ZNF638: variants seen among roughly 807,000 people sequenced by gnomAD.
ZNF638 encodes the protein CTCL tumor antigen se33-1.
ZNF638 carries 46 observed loss-of-function variants against 195.6 expected under a neutral mutation model. That is an observed-to-expected ratio of 0.24 (90% confidence interval 0.19 to 0.30). The LOEUF is 0.30. Among genes scored for constraint, ZNF638 ranks in the 10% least tolerant of loss-of-function variants. ZNF638 has a pLI of 1.00. For missense variants in ZNF638, 2,440 were observed against 2,325.3 expected (o/e 1.05, Z -1.01); for synonymous variants, 845 against 772.0 (o/e 1.09, Z -1.57).
intron 2 of ZNF638, among the ~76,000 whole-genome samples, chr2:71,352,807 T>G (rs1315750341): frequency 2.0e-5 from 3 of 152,134 alleles, no homozygotes; most frequent in Admixed American, 2.0e-4. Flanking sequence ...CTTGGAAGCT[T>G]CTTTAATTGT....
At chr2:71,394,647 C>T (rs1558866040) in intron 10 of ZNF638, among the ~76,000 whole-genome samples, 1 of 152,172 alleles carries the variant, frequency 6.6e-6, no homozygotes. Flanking sequence ...TTCCTTTGCT[C>T]TTGCCACCTT....
chr2:71,423,709 G>A lies in ZNF638; in HGVS notation c.4195G>A (p.Val1399Ile). Residue 1399 changes from valine (V) to isoleucine (I), a missense_variant, in exon 22 of 28, where the codon GTC becomes ATC. Physicochemically the swap from Val to Ile is conservative, Grantham distance 29. This residue lies in a region of ZNF638 where 1,883 missense variants were observed against 1,739.1 expected (regional missense o/e 1.08). Transcript: ENST00000264447. Reference protein sequence around the residue: ...SSKPSIKAVIVSSPKAKATVS... With the variant: ...SSKPSIKAVIISSPKAKATVS... ...TAAACCAAGCATCAAGGCTGTTATA[G>A]TCTCTTCTCCTAAGGCAAAAGCTAC... 6.2e-7 allele frequency: 1 copy of A among 1,613,888 alleles called. No individual in the cohort carries two copies. Among genetic ancestry groups the A allele is most frequent in the Non-Finnish European group, 8.5e-7 (1 of 1,180,024 alleles).
At chr2:71,405,981 C>T (rs2080098065) in intron 18 of ZNF638, 147 bp from the exon 19 acceptor site, 2 of 840,188 alleles carry the variant, frequency 2.4e-6, no homozygotes, top group Non-Finnish European at 1.8e-6. Context: ...AAAATTAAGA[C>T]CTCACTGTCT....
chr2:71,379,968 G>A, intron 8 of ZNF638: 1 of 284,768 alleles, frequency 3.5e-6, no homozygotes, highest in Non-Finnish European at 6.6e-6. Context: ...CACGAGCACG[G>A]TTTCAAGGCA....
At chr2:71,393,716 A>T in intron 10 of ZNF638, 1 of 673,790 alleles carries the variant, frequency 1.5e-6, no homozygotes. Flanking sequence ...GCTACACTCT[A>T]TTGGGCTCAT....
At chr2:71,353,610 TG>T (rs2078977279) in intron 2 of ZNF638, among the ~76,000 whole-genome samples, 1 of 152,174 alleles carries the variant, frequency 6.6e-6, no homozygotes, top group Non-Finnish European at 1.5e-5. Flanking sequence ...AGCCTAAGAA[TG>T]TGTGTATGTG....
intron 26 of ZNF638, among the ~76,000 whole-genome samples, chr2:71,432,895 C>G (rs550692763): frequency 2.0e-5 from 3 of 152,292 alleles, no homozygotes; most frequent in African/African-American, 7.2e-5. Flanking sequence ...TCGAGACCAG[C>G]CTGGGCAACA....
At position 71,349,855 on chromosome 2, in the gene ZNF638, G is replaced by A. The variant is rs1479041736; in HGVS notation, c.901G>A (p.Gly301Arg). Residue 301 changes from glycine to arginine, a missense_variant, in exon 2 of 28, where the codon GGA (glycine) becomes AGA (arginine). This residue lies in a region of ZNF638 where 305 missense variants were observed against 283.6 expected (regional missense o/e 1.08). Transcript: ENST00000264447. ...TKMSGLHISG[G>R]QSVLEPIKSV... ...GATGTCAGGCTTACACATTTCAGGAGGACAGTCAGTCCTTGAACCCATAAA... is the reference window on the plus strand; with the variant it reads ...GATGTCAGGCTTACACATTTCAGGAAGACAGTCAGTCCTTGAACCCATAAA... 6.2e-7 allele frequency: 1 copy of A among 1,614,002 alleles called. No individual in the cohort carries two copies. The highest frequency in any genetic ancestry group is 8.5e-7 in the Non-Finnish European group (1 of 1,180,036).
intron 10 of ZNF638, among the ~76,000 whole-genome samples, chr2:71,393,032 G>A (rs2079815594): frequency 6.6e-6 from 1 of 152,102 alleles, no homozygotes; most frequent in South Asian, 2.1e-4. Flanking sequence ...AATCTGGCCT[G>A]TGCCAGCTCA....
chr2:71,389,709 C>A (rs977109830), intron 10 of ZNF638, among the ~76,000 whole-genome samples: 1 of 152,184 alleles, frequency 6.6e-6, no homozygotes, highest in African/African-American at 2.4e-5. Flanking sequence ...GGAAGTTCAA[C>A]AAGGATCTTT....
intron 10 of ZNF638, among the ~76,000 whole-genome samples, chr2:71,391,805 C>T (rs1198944193): frequency 6.6e-6 from 1 of 152,202 alleles, no homozygotes; most frequent in Non-Finnish European, 1.5e-5. Context: ...GCCCTAGACT[C>T]ACCCAGGTAT....
At chr2:71,401,314 T>C (rs1217050635) in intron 15 of ZNF638, among the ~76,000 whole-genome samples, 1 of 146,064 alleles carries the variant, frequency 6.8e-6, no homozygotes, top group Non-Finnish European at 1.5e-5. Flanking sequence ...CCTTGAAGAA[T>C]AAAATGGATC....
intron 16 of ZNF638, among the ~76,000 whole-genome samples, chr2:71,403,655 G>A (rs2080049599): frequency 6.6e-6 from 1 of 152,060 alleles, no homozygotes; most frequent in Admixed American, 6.6e-5. Flanking sequence ...CCTTAGTATA[G>A]TAAGTTTATT....
At chr2:71,334,722 A>G (rs2078633003) in intron 1 of ZNF638, 1 of 152,252 alleles carries the variant, frequency 6.6e-6, no homozygotes, top group African/African-American at 2.4e-5. Context: ...GATCTAGACC[A>G]TCCTGGCTAA....
chr2:71,357,646 AAAGCCTTTAGTGTAGGT>A (rs2104232163), intron 3 of ZNF638, among the ~76,000 whole-genome samples: 1 of 152,326 alleles, frequency 6.6e-6, no homozygotes, highest in Admixed American at 6.5e-5. Context: ...TATATCTATT[AAAGCCTTTAGTGTAGGT>A]AAGCCTATTA....
chr2:71,392,971 C>CT (rs1209996132), intron 10 of ZNF638, among the ~76,000 whole-genome samples: 1 of 152,308 alleles, frequency 6.6e-6, no homozygotes, highest in East Asian at 1.9e-4. Flanking sequence ...CATTAAACAT[C>CT]TTTTAACTTT....
At chr2:71,410,413 G>A (rs2080190654) in intron 20 of ZNF638, among the ~76,000 whole-genome samples, 1 of 151,576 alleles carries the variant, frequency 6.6e-6, no homozygotes, top group Admixed American at 6.6e-5. Context: ...GTCTCATTGT[G>A]TTGCCCAGGC....
At chr2:71,390,128 A>ACTTT (rs2079741465) in intron 10 of ZNF638, among the ~76,000 whole-genome samples, 1 of 152,196 alleles carries the variant, frequency 6.6e-6, no homozygotes, top group Non-Finnish European at 1.5e-5. Context: ...GAAAGGGGAA[A>ACTTT]CGTTGGGCAA....
intron 14 of ZNF638, 105 bp downstream of exon 14, chr2:71,400,285 T>A: frequency 9.2e-7 from 1 of 1,088,998 alleles, no homozygotes; most frequent in Non-Finnish European, 1.3e-6. Flanking sequence ...TCTCTTAATC[T>A]GAAATTTTGA....
Sources: allele counts gnomAD v4.1 joint callset (sites outside exome capture counted in the v4.1 genomes callset), GRCh38; gene constraint gnomAD v4.1.1; regional missense constraint gnomAD v4.1.1; transcripts MANE v1.5; gene names NCBI Gene and HGNC (gene_info 2026-07-23, HGNC 2026-07-21).